KIF16B: variants seen among roughly 807,000 people sequenced by gnomAD.
KIF16B encodes the protein kinesin family member 16B.
KIF16B carries 98 observed loss-of-function variants against 156.3 expected under a neutral mutation model. That is an observed-to-expected ratio of 0.63 (90% CI 0.53 to 0.74). The LOEUF is 0.74. KIF16B is among the 30% of genes least tolerant of loss of function. The probability of loss-of-function intolerance (pLI) is 0.00; values close to 1 mark genes in which losing one functional copy is unlikely to be tolerated. For missense variants in KIF16B, 1,421 were observed against 1,606.5 expected (o/e 0.88, Z 1.97); for synonymous variants, 564 against 583.7 (o/e 0.97, Z 0.49).
intron 24 of KIF16B, among the ~76,000 whole-genome samples, chr20:16,320,924 A>G (rs2063763506): frequency 1.3e-5 from 2 of 152,214 alleles, no homozygotes; most frequent in Admixed American, 1.3e-4. Flanking sequence ...TTTAGAGACA[A>G]TATATCATGT....
chr20:16,464,216 C>T (rs375191605), intron 12 of KIF16B, among the ~76,000 whole-genome samples: 3 of 151,784 alleles, frequency 2.0e-5, no homozygotes, highest in Non-Finnish European at 2.9e-5. Context: ...AGAGCCTCAC[C>T]GTTACAGGAA....
chr20:16,405,089 C>T (rs547325021), intron 16 of KIF16B, among the ~76,000 whole-genome samples, 188 bp from the exon 17 acceptor site: 3 of 152,256 alleles, frequency 2.0e-5, no homozygotes, highest in East Asian at 1.9e-4. Context: ...ATTTCAAACC[C>T]GAGCCTTCTC....
chr20:16,337,283 T>C (rs181896185), intron 23 of KIF16B, among the ~76,000 whole-genome samples: 75 of 152,218 alleles, frequency 4.9e-4, no homozygotes, highest in Admixed American at 5.2e-4. Flanking sequence ...AGGTAAATCA[T>C]AGGGCCATCA....
At position 16,364,743 on chromosome 20, in the gene KIF16B, C is replaced by G. The variant is rs373988240; in HGVS notation, c.3498+5843G>C. Among the ~76,000 whole-genome samples the G allele has an allele frequency of 5.6e-4, 85 of 152,346 alleles. 2 individuals are homozygous for G. The South Asian group carries it at 0.015, about 26-fold the overall frequency. On this transcript the variant is annotated intron_variant, in intron 22 of 25. Coordinates refer to ENST00000354981, the MANE Select transcript of KIF16B (RefSeq NM_024704.5). ...AAGTATGCTTAGGTGAGAGAAGTGA[C>G]ATGCTGAATCTGAATGCTGCAAGCT...
chr20:16,514,579 T>TAAAAAAA (rs1367916198), intron 4 of KIF16B, among the ~76,000 whole-genome samples: 1 of 22,398 alleles, frequency 4.5e-5, no homozygotes, highest in African/African-American at 1.7e-4. Flanking sequence ...CACTAAGAAA[T>TAAAAAAA]AAGAAAAAAA....
chr20:16,504,004 C>G (rs2068701365), intron 10 of KIF16B, among the ~76,000 whole-genome samples: 5 of 152,168 alleles, frequency 3.3e-5, no homozygotes, highest in African/African-American at 9.7e-5. Context: ...TCTGTTAAAA[C>G]ACATTTTAAA....
intron 24 of KIF16B, among the ~76,000 whole-genome samples, chr20:16,327,288 G>A (rs2063871594): frequency 6.6e-6 from 1 of 151,852 alleles, no homozygotes; most frequent in African/African-American, 2.4e-5. Flanking sequence ...GGGGACTCAG[G>A]GGAAAGGGTG....
At chr20:16,406,302 C>G in intron 16 of KIF16B, 72 bp downstream of exon 16, 1 of 1,292,504 alleles carries the variant, frequency 7.7e-7, no homozygotes, top group Non-Finnish European at 1.1e-6. Context: ...AAGATTGGAA[C>G]CAGAGTGACC....
chr20:16,315,815 A>T (rs1275561733), intron 24 of KIF16B, among the ~76,000 whole-genome samples: 1 of 152,188 alleles, frequency 6.6e-6, no homozygotes, highest in Non-Finnish European at 1.5e-5. Context: ...GATGGAGAAA[A>T]GGAACAGCTG....
chr20:16,471,078 C>T (rs2067649774), intron 12 of KIF16B, among the ~76,000 whole-genome samples: 1 of 152,152 alleles, frequency 6.6e-6, no homozygotes, highest in Non-Finnish European at 1.5e-5. Context: ...GTTATCTCTA[C>T]TGAACGAGGT....
intron 24 of KIF16B, among the ~76,000 whole-genome samples, chr20:16,320,366 GA>G (rs56299002): frequency 0.15 from 22,080 of 148,612 alleles, 1,704 homozygotes; most frequent in Admixed American, 0.16. Flanking sequence ...ATTCTAAAAT[GA>G]AAAAAAAAAC....
At chr20:16,513,387 G>A (rs968695110) in intron 4 of KIF16B, among the ~76,000 whole-genome samples, 2 of 152,050 alleles carry the variant, frequency 1.3e-5, no homozygotes, top group African/African-American at 2.4e-5. Flanking sequence ...GGCCGGGTGC[G>A]GTGGTTCACA....
At chr20:16,572,114 C>T (rs1165279931) in intron 1 of KIF16B, among the ~76,000 whole-genome samples, 1 of 152,166 alleles carries the variant, frequency 6.6e-6, no homozygotes, top group African/African-American at 2.4e-5. Flanking sequence ...CAAACTCTTA[C>T]TCTAAACAGC....
intron 1 of KIF16B, among the ~76,000 whole-genome samples, chr20:16,572,200 G>A (rs2071481554): frequency 6.6e-6 from 1 of 152,150 alleles, no homozygotes; most frequent in South Asian, 2.1e-4. Context: ...CCAAAATAAT[G>A]ATTCCCTACT....
chr20:16,405,392 T>C (rs2065757025), intron 16 of KIF16B, among the ~76,000 whole-genome samples: 2 of 152,248 alleles, frequency 1.3e-5, no homozygotes, highest in South Asian at 2.1e-4. Context: ...CCTCTGAAAC[T>C]GTGTACCAAA....
intron 25 of KIF16B, among the ~76,000 whole-genome samples, chr20:16,293,448 A>G (rs2063340525): frequency 6.6e-6 from 1 of 152,248 alleles, no homozygotes; most frequent in Non-Finnish European, 1.5e-5. Flanking sequence ...CTAACATTTT[A>G]TATCTAGCCA....
intron 25 of KIF16B, among the ~76,000 whole-genome samples, chr20:16,294,047 G>A (rs2063349333): frequency 6.6e-6 from 1 of 152,116 alleles, no homozygotes; most frequent in South Asian, 2.1e-4. Flanking sequence ...TACAAAAATG[G>A]AAGAAAATAC....
chr20:16,528,264 A>G, intron 2 of KIF16B, 107 bp downstream of exon 2: 1 of 824,616 alleles, frequency 1.2e-6, no homozygotes, highest in South Asian at 1.5e-5. Flanking sequence ...TGCACTGGAA[A>G]GGAGGGTGTG....
chr20:16,412,026 T>A (rs1042228419), intron 15 of KIF16B, among the ~76,000 whole-genome samples: 1 of 148,382 alleles, frequency 6.7e-6, no homozygotes, highest in Non-Finnish European at 1.5e-5. Flanking sequence ...TGAGACAAAA[T>A]ACAGAGGTAG....
Sources: allele counts gnomAD v4.1 joint callset (sites outside exome capture counted in the v4.1 genomes callset), GRCh38; gene constraint gnomAD v4.1.1; transcripts MANE v1.5; gene names NCBI Gene and HGNC (gene_info 2026-07-23, HGNC 2026-07-21).